BCAS1: variants seen among roughly 807,000 people sequenced by gnomAD.
BCAS1 encodes brain enriched myelin associated protein 1, also known as breast carcinoma-amplified sequence 1.
Under a neutral mutation model 65.4 loss-of-function variants are expected in BCAS1, and 46 were observed. The observed-to-expected ratio is 0.70, with a 90% CI of 0.55 to 0.90. BCAS1 has a LOEUF of 0.90. Ranked by LOEUF, BCAS1 falls within the 40% of genes least tolerant of loss-of-function variation. BCAS1 has a pLI of 0.00. For synonymous variants in BCAS1, 298 were observed against 293.5 expected (o/e 1.02, Z -0.16); for missense variants, 793 against 771.2 (o/e 1.03, Z -0.33).
chr20:54,065,775 TG>T (rs2146374554), intron 1 of BCAS1, among the ~76,000 whole-genome samples: 1 of 152,308 alleles, frequency 6.6e-6, no homozygotes, highest in South Asian at 2.1e-4. Context: ...GCATAAGCCC[TG>T]GCTCCGTGTC....
At chr20:54,058,574 T>C (rs1338072014) in intron 2 of BCAS1, 73 bp downstream of exon 2, 2 of 1,546,160 alleles carry the variant, frequency 1.3e-6, no homozygotes, top group Non-Finnish European at 1.7e-6. Context: ...GTCAACACAC[T>C]TGTCAAATAC....
chr20:53,949,526 G>A, intron 12 of BCAS1, among the ~76,000 whole-genome samples: 1 of 152,220 alleles, frequency 6.6e-6, no homozygotes, highest in East Asian at 1.9e-4. Context: ...GGTGGTGACA[G>A]GCTCGGCTGC....
intron 4 of BCAS1, among the ~76,000 whole-genome samples, chr20:54,018,554 T>C (rs2091489644): frequency 6.6e-6 from 1 of 152,166 alleles, no homozygotes; most frequent in African/African-American, 2.4e-5. Flanking sequence ...GCCAGGATGG[T>C]CTCGATCTCC....
At chr20:54,051,576 C>G (rs574551212) in intron 3 of BCAS1, among the ~76,000 whole-genome samples, 24 of 152,310 alleles carry the variant, frequency 1.6e-4, no homozygotes, top group Admixed American at 7.8e-4. Context: ...CTCCTGCCCC[C>G]AGTGATGAAT....
At chr20:53,988,331 C>A (rs1386490858) in intron 7 of BCAS1, among the ~76,000 whole-genome samples, 1 of 152,204 alleles carries the variant, frequency 6.6e-6, no homozygotes, top group East Asian at 1.9e-4. Context: ...GTTTTCACCG[C>A]TCAGCCACCA....
chr20:54,043,661 C>G (rs1317553838), intron 3 of BCAS1, among the ~76,000 whole-genome samples: 1 of 152,130 alleles, frequency 6.6e-6, no homozygotes, highest in African/African-American at 2.4e-5. Flanking sequence ...TGAGCTAGTG[C>G]AAGAATACCC....
chr20:53,986,552 T>C (rs2056494346), intron 7 of BCAS1, among the ~76,000 whole-genome samples: 1 of 152,134 alleles, frequency 6.6e-6, no homozygotes, highest in Non-Finnish European at 1.5e-5. Flanking sequence ...CCCAGGGATG[T>C]AATATCCTTG....
chr20:54,028,669 T>C lies in BCAS1; in HGVS notation c.446A>G (p.Asp149Gly), dbSNP rs759585152. The change falls in exon 4 of 13, where the codon GAC (aspartate) becomes GGC (glycine). Residue 149 changes from aspartate to glycine, a missense_variant. By Grantham distance (94) the Asp-to-Gly change is moderately conservative (BLOSUM62 -1). Coordinates refer to ENST00000688948, the MANE Select transcript of BCAS1 (RefSeq NM_001366298.2). ...GGCGTGCCCTGGGGTTTTATCTGTG[T>C]CCTGCCCCGGTCCAGCTGCCACCGG... Reference protein sequence around the residue: ...TLPVAAGPGQDTDKTPGHAPA... With the variant: ...TLPVAAGPGQGTDKTPGHAPA... 9 of 1,614,044 alleles carry C rather than the reference T, an allele frequency of 5.6e-6. No homozygotes were observed. The highest frequency in any genetic ancestry group is 1.6e-4 in the Middle Eastern group (1 of 6,084).
At chr20:54,014,045 T>G (rs1204381493) in intron 4 of BCAS1, among the ~76,000 whole-genome samples, 3 of 152,164 alleles carry the variant, frequency 2.0e-5, no homozygotes. Flanking sequence ...CTAAAAAAAT[T>G]TAAAAACATC....
chr20:53,997,525 A>G (rs1345355364), intron 4 of BCAS1, among the ~76,000 whole-genome samples: 1 of 152,228 alleles, frequency 6.6e-6, no homozygotes, highest in African/African-American at 2.4e-5. Context: ...CTAGAGTATT[A>G]TAAGCAGTAG....
intron 4 of BCAS1, among the ~76,000 whole-genome samples, chr20:53,998,795 A>T (rs1001559394): frequency 1.3e-5 from 2 of 152,208 alleles, no homozygotes; most frequent in Admixed American, 1.3e-4. Flanking sequence ...TTTATTATAG[A>T]ATAATATACA....
chr20:53,948,935 G>A (rs2089423204), intron 12 of BCAS1, among the ~76,000 whole-genome samples: 1 of 152,164 alleles, frequency 6.6e-6, no homozygotes, highest in African/African-American at 2.4e-5. Context: ...TGACTGCGCT[G>A]ATTGTCACAA....
intron 4 of BCAS1, among the ~76,000 whole-genome samples, chr20:54,011,174 T>C (rs1472765300): frequency 6.7e-6 from 1 of 148,836 alleles, no homozygotes; most frequent in Non-Finnish European, 1.5e-5. Context: ...GTTAAAAAAA[T>C]CCATAAAAGA....
Position 53,975,300 on chromosome 20 carries a change from A to G in BCAS1, c.1317+89T>C, listed in dbSNP as rs2090299825. Reference sequence around the variant, plus strand: ...CGAATCACACTGGCAGCATGCAAGAACACAGGACCCCAGAGCTGAAAATGC... The same window carrying G: ...CGAATCACACTGGCAGCATGCAAGAGCACAGGACCCCAGAGCTGAAAATGC... On this transcript the variant is annotated intron_variant, in intron 9 of 12. Coordinates refer to ENST00000688948, the MANE Select transcript of BCAS1 (RefSeq NM_001366298.2). 3 of 1,181,932 alleles carry G rather than the reference A, an allele frequency of 2.5e-6. No individual in the cohort carries two copies. The South Asian group carries it at 3.8e-5, about 15-fold the overall frequency. The allele number at this position is 1,181,932 out of a possible 1,614,324, so 73.2% of individuals were successfully genotyped here. A position where few individuals can be genotyped will look rare whatever the true frequency, so the allele number is the denominator to read the frequency against.
At chr20:53,954,083 T>C (rs1159648664) in intron 11 of BCAS1, among the ~76,000 whole-genome samples, 2 of 152,150 alleles carry the variant, frequency 1.3e-5, no homozygotes, top group Admixed American at 1.3e-4. Context: ...TTGTATATGA[T>C]TGGCCAGCTG....
At chr20:54,043,576 A>C (rs1165835136) in intron 3 of BCAS1, among the ~76,000 whole-genome samples, 1 of 152,174 alleles carries the variant, frequency 6.6e-6, no homozygotes, top group African/African-American at 2.4e-5. Flanking sequence ...CCCTATAAAC[A>C]AGGACGCTTT....
Position 54,001,305 on chromosome 20 carries a change from A to T in BCAS1, c.724-5255T>A, listed in dbSNP as rs2091049380. 2.6e-5 allele frequency among the ~76,000 whole-genome samples: 4 copies of T among 152,152 alleles called. No individual in the cohort carries two copies. In the South Asian group the frequency reaches 8.3e-4, roughly 32 times the overall value. On this transcript the variant is annotated intron_variant, in intron 4 of 12. Coordinates refer to ENST00000688948, the MANE Select transcript of BCAS1 (RefSeq NM_001366298.2). ...GTAGGCCACACTAACTTCGGGAGGA[A>T]TTTAGTTATAGTTTAACTTTGAAAC...
intron 4 of BCAS1, among the ~76,000 whole-genome samples, chr20:54,024,727 G>T (rs567823199): frequency 9.9e-5 from 15 of 152,158 alleles, no homozygotes; most frequent in Admixed American, 9.8e-4. Flanking sequence ...CAAACAGCAA[G>T]GTGTGGCCCA....
chr20:54,068,020 C>A (rs1449563502), intron 1 of BCAS1, among the ~76,000 whole-genome samples: 1 of 152,274 alleles, frequency 6.6e-6, no homozygotes, highest in East Asian at 1.9e-4. Flanking sequence ...TGTGTGTGCC[C>A]GCACAGTGCT....
Sources: gnomAD v4.1 joint callset for allele counts (sites outside exome capture counted in the v4.1 genomes callset) on GRCh38, gnomAD v4.1.1 for gene constraint, MANE v1.5 for transcripts, NCBI Gene and HGNC (gene_info 2026-07-23, HGNC 2026-07-21) for gene names.